FLYWCH1: variants seen among roughly 807,000 people sequenced by gnomAD.
FLYWCH1 encodes FLYWCH-type zinc finger 1, also known as FLYWCH-type zinc finger-containing protein 1.
A neutral mutation model predicts 66.4 loss-of-function variants in FLYWCH1; 75 were observed. That is an observed-to-expected ratio of 1.13 (90% CI 0.94 to 1.37). The LOEUF (loss-of-function observed/expected upper bound fraction) is 1.37. Ranked by LOEUF, FLYWCH1 falls within the 40% of genes most tolerant of loss-of-function variation. The probability of loss-of-function intolerance (pLI) is 0.00; values close to 1 mark genes in which losing one functional copy is unlikely to be tolerated. For missense variants in FLYWCH1, 1,334 were observed against 1,001.8 expected, an observed-to-expected ratio of 1.33 and a Z score of -4.48; for synonymous variants, 595 against 429.9, an observed-to-expected ratio of 1.38 and a Z score of -4.75.
Position 2,950,637 on chromosome 16 carries a change from T to C in FLYWCH1, c.*1910T>C, listed in dbSNP as rs892993128. ...TTCCCGCCATGGTCACATGATGCCA[T>C]GCCCTGCTCTGGGCACCCCTAAGCG... On this transcript the variant is annotated 3_prime_UTR_variant, in exon 10 of 10. Transcript: ENST00000253928. The C allele has an allele frequency of 6.6e-6, 1 of 152,324 alleles. No homozygotes were observed. The highest frequency in any genetic ancestry group is 2.4e-5 in the African/African-American group (1 of 41,462). The allele number at this position is 152,324 out of a possible 1,614,324, so 9.4% of individuals were successfully genotyped here. A position where few individuals can be genotyped will look rare whatever the true frequency, so the allele number is the denominator to read the frequency against.
intron 1 of FLYWCH1, chr16:2,912,877 C>T (rs1449590314): frequency 6.6e-6 from 1 of 152,230 alleles, no homozygotes; most frequent in Admixed American, 6.5e-5. Context: ...CATGTGCAAA[C>T]TCCAATTCCA....
rs771409145 is a variant in FLYWCH1 at position 2,929,642 on chromosome 16, C to T, written c.-44C>T. 51 of 1,572,336 alleles carry T rather than the reference C, an allele frequency of 3.2e-5. No homozygotes were observed. In the Admixed American group the frequency reaches 6.4e-4, roughly 20 times the overall value. ...GAACCACTGCACTCCAGGTTCCTTG[C>T]TGGGTGCTGAGCGTGGCCTGAGGGA... On this transcript the variant is annotated 5_prime_UTR_variant, in exon 3 of 10. Coordinates refer to ENST00000253928, the MANE Select transcript of FLYWCH1 (RefSeq NM_001308068.2).
At chr16:2,930,092 C>T in intron 3 of FLYWCH1, 82 bp downstream of exon 3, 1 of 1,239,050 alleles carries the variant, frequency 8.1e-7, no homozygotes, top group African/African-American at 1.5e-5. Flanking sequence ...CTGCTTCAAG[C>T]ATAGTGTCTT....
At chr16:2,934,047 T>G in intron 6 of FLYWCH1, 68 bp downstream of exon 6, 3 of 1,439,348 alleles carry the variant, frequency 2.1e-6, no homozygotes, top group Non-Finnish European at 2.7e-6. Flanking sequence ...CCTTTCCCTC[T>G]CCATGCTGCG....
Position 2,940,876 on chromosome 16 carries a change from AT to A in FLYWCH1, c.2111+786del, listed in dbSNP as rs1408255473. ...GGCCAAGGCAGGCAGATCATTTGTA[AT>A]TCCAGCACTTTGGGAGGCCAAGGCA... is the stretch of plus-strand genomic sequence containing the variant. On this transcript the variant is annotated intron_variant, in intron 9 of 9. Coordinates refer to ENST00000253928, the MANE Select transcript of FLYWCH1 (RefSeq NM_001308068.2). Among the ~76,000 whole-genome samples, 3 of 34,658 alleles carry A rather than the reference AT, an allele frequency of 8.7e-5. No individual in the cohort carries two copies. The East Asian group carries it at 2.2e-3, about 25-fold the overall frequency. 22.7% of individuals were successfully genotyped at this position (34,658 alleles called of 152,430 possible). A position where few individuals can be genotyped will look rare whatever the true frequency, so the allele number is the denominator to read the frequency against.
intron 6 of FLYWCH1, chr16:2,936,618 TC>T (rs1191643190): frequency 4.4e-6 from 2 of 457,044 alleles, no homozygotes; most frequent in Non-Finnish European, 8.8e-6. Flanking sequence ...ACCCGCCAGG[TC>T]CTCCCTCTCA....
At chr16:2,937,419 G>A (rs768242583) in intron 7 of FLYWCH1, 35 bp downstream of exon 7, 1 of 1,499,624 alleles carries the variant, frequency 6.7e-7, no homozygotes, top group Admixed American at 2.1e-5. Flanking sequence ...GGTCTGCCTG[G>A]TCTCCCAGGA....
At chr16:2,918,666 C>A (rs2070260455) in intron 2 of FLYWCH1, among the ~76,000 whole-genome samples, 1 of 151,928 alleles carries the variant, frequency 6.6e-6, no homozygotes, top group Non-Finnish European at 1.5e-5. Flanking sequence ...GTCTCAAACT[C>A]CCGACCTCAG....
At chr16:2,946,156 A>C (rs1369314115) in intron 9 of FLYWCH1, among the ~76,000 whole-genome samples, 2 of 152,106 alleles carry the variant, frequency 1.3e-5, no homozygotes, top group Non-Finnish European at 2.9e-5. Flanking sequence ...TACTGAAGAA[A>C]GTGTTTAAAA....
chr16:2,935,579 G>A (rs897444436), intron 6 of FLYWCH1: 1 of 152,214 alleles, frequency 6.6e-6, no homozygotes, highest in African/African-American at 2.4e-5. Context: ...GTCCCGGGAG[G>A]TAGCACGTTG....
intron 2 of FLYWCH1, chr16:2,928,997 T>C (rs2070666352): frequency 6.6e-6 from 1 of 152,594 alleles, no homozygotes; most frequent in African/African-American, 2.4e-5. Context: ...GGACTGGGTC[T>C]GCCTGAGCCC....
intron 2 of FLYWCH1, among the ~76,000 whole-genome samples, chr16:2,920,840 CTT>C (rs71158122): frequency 1.2e-3 from 84 of 70,414 alleles, no homozygotes; most frequent in East Asian, 6.0e-3. Flanking sequence ...AACGCCTGGC[CTT>C]TTTTTTTTTT....
Position 2,937,240 on chromosome 16 carries a change from C to T in FLYWCH1, c.1633C>T (p.Arg545Cys), listed in dbSNP as rs749410391. ...KVYWTCRDQA[R>C]MGCRSRAITQ... ...GTATTGGACCTGCCGGGACCAGGCCCGCATGGGCTGCCGCAGCCGCGCCAT... is the reference window on the plus strand; with the variant it reads ...GTATTGGACCTGCCGGGACCAGGCCTGCATGGGCTGCCGCAGCCGCGCCAT... The change falls in exon 7 of 10, where the codon CGC (arginine) becomes TGC (cysteine). Residue 545 changes from arginine (R) to cysteine (C), a missense_variant. Arg to Cys is a radical substitution (Grantham distance 180). Transcript: ENST00000253928. The T allele has an allele frequency of 3.0e-5, 48 of 1,605,826 alleles. No homozygotes were observed. The highest frequency in any genetic ancestry group is 1.4e-4 in the Admixed American group (8 of 59,008).
intron 9 of FLYWCH1, among the ~76,000 whole-genome samples, chr16:2,947,797 AAAACAG>A (rs1264838623): frequency 1.3e-5 from 2 of 151,806 alleles, no homozygotes; most frequent in Non-Finnish European, 2.9e-5. Flanking sequence ...TTACAGTACT[AAAACAG>A]AACCTGATCA....
In FLYWCH1 at chr16:2,937,314, G is replaced by A. The variant is rs61747749; in HGVS notation, c.1707G>A (p.Pro569=). The A allele has an allele frequency of 0.059, 95,223 of 1,601,932 alleles. 3,173 individuals are homozygous for A. The highest frequency in any genetic ancestry group is 0.1 in the Middle Eastern group (520 of 5,074). Reference sequence around the variant, plus strand: ...TCATGCGCAGGCACTGCCACCCACCGGACCTGGGCGGCCTGGAGGCCCTGC... The same window carrying A: ...TCATGCGCAGGCACTGCCACCCACCAGACCTGGGCGGCCTGGAGGCCCTGC... The part of the protein sequence containing the change: ...VMVMRRHCHP[P]DLGGLEALRQ... The change falls in exon 7 of 10, where the codon CCG becomes CCA. Residue 569 remains proline, a synonymous_variant. Transcript: ENST00000253928.
intron 2 of FLYWCH1, among the ~76,000 whole-genome samples, chr16:2,921,265 CA>C (rs2070365533): frequency 6.6e-6 from 1 of 151,224 alleles, no homozygotes; most frequent in East Asian, 1.9e-4. Context: ...TCACCACCAT[CA>C]ATTTTAGGAC....
intron 1 of FLYWCH1, among the ~76,000 whole-genome samples, 188 bp downstream of exon 1, chr16:2,912,342 C>A (rs1261371167): frequency 6.6e-6 from 1 of 151,466 alleles, no homozygotes; most frequent in South Asian, 2.1e-4. Context: ...ATCCCCACCC[C>A]CCCGTCCCCT....
In FLYWCH1 at chr16:2,939,990, GAGA is replaced by G. The variant is rs1443795079; in HGVS notation, c.2051-37_2051-35del. 19 of 1,560,052 alleles carry G rather than the reference GAGA, an allele frequency of 1.2e-5. 1 individual carries two copies. In the Middle Eastern group the frequency reaches 6.7e-4, roughly 55 times the overall value. ...TCCTTGGTTCTGTCAGCTTCAACAA[GAGA>G]AGAATTATTAATTCATATTTTCAAT... On this transcript the variant is annotated intron_variant, in intron 8 of 9. Transcript: ENST00000253928.
chr16:2,917,761 A>G (rs922846634), intron 2 of FLYWCH1, among the ~76,000 whole-genome samples: 7 of 152,090 alleles, frequency 4.6e-5, no homozygotes, highest in African/African-American at 7.2e-5. Flanking sequence ...TGAAAAATCT[A>G]GATTCTTGTT....
Sources: allele counts gnomAD v4.1 joint callset (sites outside exome capture counted in the v4.1 genomes callset), GRCh38; gene constraint gnomAD v4.1.1; transcripts MANE v1.5; gene names NCBI Gene and HGNC (gene_info 2026-07-23, HGNC 2026-07-21).